ZBTB20: variants seen among roughly 807,000 people sequenced by gnomAD.
The protein encoded by ZBTB20 is zinc finger and BTB domain-containing protein 20.
Under a neutral mutation model 56.9 loss-of-function variants are expected in ZBTB20, and 9 were observed. That is an observed-to-expected ratio of 0.16 (90% CI 0.10 to 0.28). The LOEUF (loss-of-function observed/expected upper bound fraction) is 0.28. ZBTB20 is among the 10% of genes least tolerant of loss of function. The pLI is 1.00. For missense variants in ZBTB20, 655 were observed against 1,003.0 expected, an observed-to-expected ratio of 0.65 and a Z score of 4.69; for synonymous variants, 417 against 420.7, an observed-to-expected ratio of 0.99 and a Z score of 0.11.
intron 1 of ZBTB20, among the ~76,000 whole-genome samples, chr3:115,099,228 T>G (rs1019157464): frequency 6.6e-6 from 1 of 152,158 alleles, no homozygotes; most frequent in South Asian, 2.1e-4. Flanking sequence ...ATATTATTTA[T>G]GCTCCCCAAA....
chr3:114,339,510 A>G lies in ZBTB20; in HGVS notation c.1805-84T>C. Reference sequence around the variant, plus strand: ...AATGAAGGACAGGAAAAACAAGACAACAAAAAAGAAAAATAAAACAATTAA... The same window carrying G: ...AATGAAGGACAGGAAAAACAAGACAGCAAAAAAGAAAAATAAAACAATTAA... On this transcript the variant is annotated intron_variant, in intron 11 of 11. Transcript: ENST00000675478. The surrounding 1 kb of genome is among the most constrained non-coding windows in gnomAD (Gnocchi z 4.2). 1 of 1,401,240 alleles carries G rather than the reference A, an allele frequency of 7.1e-7. No homozygotes were observed. Among genetic ancestry groups the G allele is most frequent in the South Asian group, 1.4e-5 (1 of 70,560 alleles). The allele number at this position is 1,401,240 out of a possible 1,614,324, so 86.8% of individuals were successfully genotyped here. A position where few individuals can be genotyped will look rare whatever the true frequency, so the allele number is the denominator to read the frequency against.
At chr3:114,466,853 T>G (rs1362613137) in intron 7 of ZBTB20, among the ~76,000 whole-genome samples, 1 of 152,126 alleles carries the variant, frequency 6.6e-6, no homozygotes, top group Non-Finnish European at 1.5e-5. Flanking sequence ...AAATACCACA[T>G]AACTAAAACA....
At chr3:115,002,240 A>T (rs1310572800) in intron 2 of ZBTB20, among the ~76,000 whole-genome samples, 1 of 151,602 alleles carries the variant, frequency 6.6e-6, no homozygotes, top group African/African-American at 2.4e-5. Context: ...TAAATCATAG[A>T]CCTAAATGTA....
chr3:115,032,155 T>C (rs2080713140), intron 2 of ZBTB20, among the ~76,000 whole-genome samples: 1 of 151,428 alleles, frequency 6.6e-6, no homozygotes, highest in South Asian at 2.1e-4. Flanking sequence ...ATTTTTGGCA[T>C]GAAATGAAAG....
At chr3:114,885,871 A>G (rs2076582431) in intron 4 of ZBTB20, among the ~76,000 whole-genome samples, 1 of 152,202 alleles carries the variant, frequency 6.6e-6, no homozygotes, top group African/African-American at 2.4e-5. Flanking sequence ...AGTAGATGAG[A>G]CCTATAATAC....
At chr3:114,599,085 T>G (rs1027646178) in intron 6 of ZBTB20, among the ~76,000 whole-genome samples, 1 of 152,074 alleles carries the variant, frequency 6.6e-6, no homozygotes, top group Admixed American at 6.6e-5. Flanking sequence ...GCATGCTATA[T>G]GTGACACCTC....
chr3:115,068,544 G>T (rs931287158), intron 2 of ZBTB20, among the ~76,000 whole-genome samples: 4 of 152,072 alleles, frequency 2.6e-5, no homozygotes, highest in Non-Finnish European at 5.9e-5. Context: ...AATATTCATA[G>T]ATAGGAATGA....
chr3:114,348,916 G>A (rs2080412369), intron 11 of ZBTB20, among the ~76,000 whole-genome samples: 1 of 152,240 alleles, frequency 6.6e-6, no homozygotes, highest in East Asian at 1.9e-4. Context: ...AGGGTATTCT[G>A]AGGCCAGGCA....
At chr3:114,992,014 C>G (rs2078834826) in intron 2 of ZBTB20, among the ~76,000 whole-genome samples, 1 of 151,524 alleles carries the variant, frequency 6.6e-6, no homozygotes, top group East Asian at 1.9e-4. Flanking sequence ...GTTCTTATCT[C>G]TCTTTCTCTC....
chr3:114,647,590 A>C (rs568296604), intron 6 of ZBTB20, among the ~76,000 whole-genome samples: 6 of 152,282 alleles, frequency 3.9e-5, no homozygotes, highest in Non-Finnish European at 8.8e-5. Context: ...TTTAAAATCA[A>C]ACTCCACTAT....
At chr3:114,707,390 C>G (rs1578444673) in intron 5 of ZBTB20, among the ~76,000 whole-genome samples, 1 of 152,106 alleles carries the variant, frequency 6.6e-6, no homozygotes, top group Non-Finnish European at 1.5e-5. Flanking sequence ...TTCCCTACCC[C>G]CAATCACACC....
chr3:114,468,479 A>G (rs1324160749), intron 7 of ZBTB20, among the ~76,000 whole-genome samples: 1 of 152,134 alleles, frequency 6.6e-6, no homozygotes, highest in Non-Finnish European at 1.5e-5. Flanking sequence ...CTTTTTCTAT[A>G]TGTATGAATA....
intron 1 of ZBTB20, among the ~76,000 whole-genome samples, chr3:115,109,987 A>G (rs1216883253): frequency 6.6e-6 from 1 of 152,178 alleles, no homozygotes; most frequent in Non-Finnish European, 1.5e-5. Flanking sequence ...AGGTGGGCAG[A>G]TCACCTGAGG....
At chr3:115,024,854 T>C (rs918420770) in intron 2 of ZBTB20, among the ~76,000 whole-genome samples, 4 of 151,222 alleles carry the variant, frequency 2.6e-5, no homozygotes, top group African/African-American at 7.3e-5. Context: ...AATTTAATTG[T>C]TGTTAGTAGT....
chr3:114,948,297 C>T (rs1235730509), intron 3 of ZBTB20, among the ~76,000 whole-genome samples: 1 of 144,248 alleles, frequency 6.9e-6, no homozygotes, highest in Non-Finnish European at 1.5e-5. Context: ...AGCAAACTCA[C>T]GAATTGAAGA....
At chr3:114,585,012 G>T (rs1023208980) in intron 6 of ZBTB20, among the ~76,000 whole-genome samples, 3 of 152,014 alleles carry the variant, frequency 2.0e-5, no homozygotes, top group African/African-American at 7.2e-5. Context: ...ATCAACAAAG[G>T]CAAAACACCA....
chr3:115,130,532 A>T (rs963314578), intron 1 of ZBTB20, among the ~76,000 whole-genome samples: 4 of 152,248 alleles, frequency 2.6e-5, no homozygotes, highest in African/African-American at 9.6e-5. Flanking sequence ...AGTCTGATTT[A>T]ATCACAAACT....
intron 11 of ZBTB20, among the ~76,000 whole-genome samples, chr3:114,340,264 T>C (rs1261483807): frequency 1.3e-5 from 2 of 152,026 alleles, no homozygotes; most frequent in South Asian, 4.2e-4. Flanking sequence ...TACCTCATTG[T>C]GCTGGTGTTG....
At chr3:114,919,644 G>T (rs2075881772) in intron 3 of ZBTB20, among the ~76,000 whole-genome samples, 1 of 151,856 alleles carries the variant, frequency 6.6e-6, no homozygotes, top group Admixed American at 6.6e-5. Context: ...GGCAGAGTTT[G>T]CAGTGAGCCA....
Sources: allele counts gnomAD v4.1 joint callset (sites outside exome capture counted in the v4.1 genomes callset), GRCh38; gene constraint gnomAD v4.1.1; non-coding constraint Gnocchi (gnomAD v3.1); transcripts MANE v1.5; gene names NCBI Gene and HGNC (gene_info 2026-07-23, HGNC 2026-07-21).